The following KANK1 variants were observed in gnomAD, a reference collection of about 807,000 sequenced individuals.
KANK1 encodes the protein KN motif and ankyrin repeat domains 1.
A neutral mutation model predicts 106.2 loss-of-function variants in KANK1; 109 were observed. The observed-to-expected ratio is 1.03, with a 90% CI of 0.88 to 1.20. The LOEUF (loss-of-function observed/expected upper bound fraction) is 1.20, where lower values mean the gene tolerates loss of function less well. Ranked by LOEUF, KANK1 falls within the 50% of genes most tolerant of loss-of-function variation. The pLI is 0.00. For missense variants in KANK1, 2,399 were observed against 1,710.7 expected (o/e 1.40, Z -7.10); for synonymous variants, 873 against 652.2 (o/e 1.34, Z -5.16).
At chr9:573,042 T>C (rs1355188161) in intron 1 of KANK1, among the ~76,000 whole-genome samples, 1 of 152,182 alleles carries the variant, frequency 6.6e-6, no homozygotes, top group Non-Finnish European at 1.5e-5. Flanking sequence ...TGAGCTGGTG[T>C]AAATTGTAAT....
At chr9:528,197 CT>C (rs2059890848) in intron 1 of KANK1, among the ~76,000 whole-genome samples, 1 of 150,636 alleles carries the variant, frequency 6.6e-6, no homozygotes, top group Non-Finnish European at 1.5e-5. Flanking sequence ...TCTGATTGGT[CT>C]TTTTGCATTC....
intron 1 of KANK1, among the ~76,000 whole-genome samples, chr9:655,710 G>A (rs376555048): frequency 1.4e-4 from 22 of 152,172 alleles, no homozygotes; most frequent in Non-Finnish European, 2.2e-4. Context: ...ATATTTTTAC[G>A]TAGTATAGAA....
At chr9:645,097 C>G (rs887154462) in intron 1 of KANK1, among the ~76,000 whole-genome samples, 2 of 130,320 alleles carry the variant, frequency 1.5e-5, no homozygotes, top group South Asian at 2.3e-4. Flanking sequence ...GCACTCCAGC[C>G]TCAGCAACGG....
chr9:734,690 T>A, intron 6 of KANK1, 58 bp from the exon 7 acceptor site: 1 of 1,287,706 alleles, frequency 7.8e-7, no homozygotes, highest in Non-Finnish European at 1.1e-6. Flanking sequence ...ATATTTGGGT[T>A]GAAATAAAAA....
At position 712,529 on chromosome 9, in the gene KANK1, T is replaced by C; in HGVS notation, c.1763T>C (p.Met588Thr). 2.5e-6 allele frequency: 4 copies of C among 1,614,074 alleles called. No individual in the cohort carries two copies. The highest frequency in any genetic ancestry group is 1.6e-4 in the Middle Eastern group (1 of 6,062). Residue 588 changes from methionine to threonine, a missense_variant, in exon 3 of 12, where the codon ATG (methionine) becomes ACG (threonine). By Grantham distance (81) the Met-to-Thr change is moderately conservative. Transcript: ENST00000382297. The part of the protein sequence containing the change: ...HDRCAGRSVE[M>T]CDKSVSVEVS... The stretch of plus-strand genomic sequence containing the variant: ...CGATGTGCTGGGAGGTCTGTGGAAA[T>C]GTGTGACAAGAGTGTGAGTGTGGAA...
chr9:675,823 G>A (rs1448103199), intron 1 of KANK1, among the ~76,000 whole-genome samples: 2 of 152,184 alleles, frequency 1.3e-5, no homozygotes, highest in African/African-American at 4.8e-5. Flanking sequence ...AGCGTAGGCT[G>A]CTCAACTGAT....
chr9:514,397 A>G (rs927944615), intron 1 of KANK1, among the ~76,000 whole-genome samples: 2 of 149,720 alleles, frequency 1.3e-5, no homozygotes, highest in Non-Finnish European at 2.9e-5. Context: ...TTTTCTGCCA[A>G]ATACTCCCTC....
intron 3 of KANK1, among the ~76,000 whole-genome samples, chr9:497,550 C>A (rs1324488555): frequency 2.0e-5 from 3 of 152,098 alleles, no homozygotes; most frequent in Non-Finnish European, 2.9e-5. Context: ...TTCAAAAAAC[C>A]CTTAATTATA....
At chr9:518,881 G>A (rs1021098939) in intron 1 of KANK1, among the ~76,000 whole-genome samples, 2 of 139,868 alleles carry the variant, frequency 1.4e-5, no homozygotes, top group Non-Finnish European at 3.1e-5. Flanking sequence ...TCTTAGCATT[G>A]TCTTTAAATT....
intron 1 of KANK1, among the ~76,000 whole-genome samples, chr9:594,051 G>C (rs986361107): frequency 1.3e-5 from 2 of 151,914 alleles, no homozygotes; most frequent in Non-Finnish European, 2.9e-5. Flanking sequence ...GATCTATGGT[G>C]CTGCGCTCGA....
At chr9:480,121 C>G (rs2058178594) in intron 3 of KANK1, among the ~76,000 whole-genome samples, 1 of 152,214 alleles carries the variant, frequency 6.6e-6, no homozygotes, top group Non-Finnish European at 1.5e-5. Context: ...GAGTTGCATT[C>G]CTGTGCATTC....
chr9:486,394 A>T (rs1319083377), intron 3 of KANK1, among the ~76,000 whole-genome samples: 3 of 152,198 alleles, frequency 2.0e-5, no homozygotes, highest in Non-Finnish European at 4.4e-5. Context: ...CAAAATGTTT[A>T]CTATGTGTCA....
chr9:503,363 C>T (rs1289232988), upstream of KANK1, among the ~76,000 whole-genome samples: 1 of 152,144 alleles, frequency 6.6e-6, no homozygotes, highest in Non-Finnish European at 1.5e-5. Flanking sequence ...AGTGAGCTGG[C>T]AAAGGCGCTG....
intron 1 of KANK1, among the ~76,000 whole-genome samples, chr9:637,521 A>T (rs1194920177): frequency 2.6e-5 from 4 of 152,122 alleles, no homozygotes; most frequent in Non-Finnish European, 5.9e-5. Context: ...TATTGCTGGG[A>T]CTTACCTTCA....
intron 2 of KANK1, chr9:686,633 C>A: frequency 2.2e-6 from 1 of 445,758 alleles, no homozygotes; most frequent in Non-Finnish European, 3.0e-6. Flanking sequence ...CAGATTTTTC[C>A]ATTAGCACCA....
intron 1 of KANK1, among the ~76,000 whole-genome samples, chr9:561,787 A>G (rs2134415858): frequency 6.6e-6 from 1 of 152,358 alleles, no homozygotes; most frequent in Non-Finnish European, 1.5e-5. Flanking sequence ...TAGAACTTTC[A>G]CATTTCAGTC....
At chr9:636,250 G>C (rs992602825) in intron 1 of KANK1, among the ~76,000 whole-genome samples, 1 of 152,140 alleles carries the variant, frequency 6.6e-6, no homozygotes, top group African/African-American at 2.4e-5. Context: ...TTTATATGCA[G>C]AACTCTCCTG....
At chr9:643,153 A>G (rs1012484539) in intron 1 of KANK1, among the ~76,000 whole-genome samples, 2 of 150,814 alleles carry the variant, frequency 1.3e-5, no homozygotes, top group Non-Finnish European at 2.9e-5. Flanking sequence ...TCTGTTGAAG[A>G]TGGGGAGTGA....
At chr9:491,281 T>C (rs1219577278) in intron 3 of KANK1, among the ~76,000 whole-genome samples, 1 of 150,912 alleles carries the variant, frequency 6.6e-6, no homozygotes, top group Non-Finnish European at 1.5e-5. Context: ...TTTTCTTTTT[T>C]TTTTTTAGAC....
Sources: allele counts gnomAD v4.1 joint callset (sites outside exome capture counted in the v4.1 genomes callset), GRCh38; gene constraint gnomAD v4.1.1; transcripts MANE v1.5; gene names NCBI Gene and HGNC (gene_info 2026-07-23, HGNC 2026-07-21).